Variants in ANKS1B observed in about 807,000 individuals in gnomAD.
ANKS1B encodes ankyrin repeat and sterile alpha motif domain-containing protein 1B.
A neutral mutation model predicts 148.3 loss-of-function variants in ANKS1B; 36 were observed. That is an observed-to-expected ratio of 0.24 (90% CI 0.19 to 0.32). The LOEUF (loss-of-function observed/expected upper bound fraction) is 0.32. Ranked by LOEUF, ANKS1B falls within the 10% of genes least tolerant of loss-of-function variation. The pLI is 1.00. For synonymous variants in ANKS1B, 542 were observed against 560.8 expected, an observed-to-expected ratio of 0.97 and a Z score of 0.47; for missense variants, 1,157 against 1,542.6, an observed-to-expected ratio of 0.75 and a Z score of 4.19.
In ANKS1B at chr12:99,894,285, AAGGAAGGGAGGGAGGG is replaced by A. The variant is rs1187334738; in HGVS notation, c.135-68912_135-68897del. ...AAGAAAGGAAAGAAAGGAAGGAAGG[AAGGAAGGGAGGGAGGG>A]AGGGAGGGAGGGAGGGAGGGAGGGA... On this transcript the variant is annotated intron_variant, in intron 1 of 26. Coordinates refer to ENST00000683438, the MANE Select transcript of ANKS1B (RefSeq NM_001352186.2). Among the ~76,000 whole-genome samples the A allele has an allele frequency of 1.4e-3, 78 of 56,860 alleles. 1 individual carries two copies. The highest frequency in any genetic ancestry group is 4.3e-3 in the African/African-American group (71 of 16,324). 37.3% of individuals were successfully genotyped at this position (56,860 alleles called of 152,430 possible).
chr12:99,248,391 T>C (rs1410754614), intron 12 of ANKS1B, among the ~76,000 whole-genome samples: 2 of 152,108 alleles, frequency 1.3e-5, no homozygotes, highest in East Asian at 3.9e-4. Flanking sequence ...ACCAGCATCC[T>C]GAGATTGAAG....
intron 1 of ANKS1B, among the ~76,000 whole-genome samples, chr12:99,901,465 A>G (rs942800172): frequency 2.6e-5 from 4 of 152,256 alleles, no homozygotes; most frequent in African/African-American, 9.6e-5. Flanking sequence ...CAGAAGAGGC[A>G]GCCTCTGTAG....
intron 14 of ANKS1B, among the ~76,000 whole-genome samples, chr12:99,224,234 T>C (rs1266322966): frequency 6.6e-6 from 1 of 152,192 alleles, no homozygotes; most frequent in Non-Finnish European, 1.5e-5. Flanking sequence ...AATTTAAAAG[T>C]AAAGAGCTTT....
chr12:99,376,995 A>C (rs1320473579), intron 12 of ANKS1B, among the ~76,000 whole-genome samples: 3 of 147,868 alleles, frequency 2.0e-5, no homozygotes, highest in Non-Finnish European at 4.5e-5. Context: ...ACACACACAC[A>C]CCCCACCCAC....
intron 4 of ANKS1B, among the ~76,000 whole-genome samples, chr12:99,803,157 T>C (rs2067163564): frequency 1.3e-5 from 2 of 152,062 alleles, no homozygotes; most frequent in African/African-American, 2.4e-5. Context: ...ACTAGCTACA[T>C]TGTTCACTCT....
At position 98,751,579 on chromosome 12, in the gene ANKS1B, G is replaced by A. The variant is rs77210491; in HGVS notation, c.3580-57C>T. On this transcript the variant is annotated intron_variant, in intron 25 of 26. Coordinates refer to ENST00000683438, the MANE Select transcript of ANKS1B (RefSeq NM_001352186.2). This position sits in a 1 kb window ranked among gnomAD's most constrained non-coding sequence, Gnocchi z 4.3. Reference sequence around the variant, plus strand: ...GGCACACTGCAAATTAGAATGGGTCGAATGGCTGAGGAACACTGAGGGAGG... The same window carrying A: ...GGCACACTGCAAATTAGAATGGGTCAAATGGCTGAGGAACACTGAGGGAGG... The A allele has an allele frequency of 0.015, 22,620 of 1,545,050 alleles. 219 individuals carry two copies. The highest frequency in any genetic ancestry group is 0.018 in the Non-Finnish European group (20,576 of 1,124,764).
intron 17 of ANKS1B, among the ~76,000 whole-genome samples, chr12:98,938,966 A>G (rs758189574): frequency 7.9e-5 from 12 of 152,264 alleles, no homozygotes; most frequent in Admixed American, 2.6e-4. Context: ...AACATACAGG[A>G]TAACAAAAAG....
chr12:99,160,425 G>A (rs958962291), intron 14 of ANKS1B, among the ~76,000 whole-genome samples: 12 of 150,666 alleles, frequency 8.0e-5, no homozygotes, highest in Admixed American at 2.6e-4. Context: ...TGCAATCTCC[G>A]CCTCCTGGGT....
At chr12:99,730,506 A>AATCAGAACCCCT (rs1340977326) in intron 8 of ANKS1B, among the ~76,000 whole-genome samples, 2 of 152,228 alleles carry the variant, frequency 1.3e-5, no homozygotes, top group Non-Finnish European at 2.9e-5. Context: ...AGGCAAGGAC[A>AATCAGAACCCCT]ATCAGAACCC....
chr12:98,884,690 T>A (rs2099734734), intron 17 of ANKS1B, among the ~76,000 whole-genome samples: 1 of 150,804 alleles, frequency 6.6e-6, no homozygotes, highest in African/African-American at 2.4e-5. Flanking sequence ...TCCCAGCTAC[T>A]CGGGAGGCTG....
chr12:98,934,603 T>G (rs560687993), intron 17 of ANKS1B, among the ~76,000 whole-genome samples: 160 of 152,216 alleles, frequency 1.1e-3, no homozygotes, highest in African/African-American at 3.5e-3. Flanking sequence ...CCATGAACAT[T>G]TGATATCTTT....
intron 22 of ANKS1B, among the ~76,000 whole-genome samples, chr12:98,788,922 G>T (rs548910721): frequency 6.6e-6 from 1 of 152,298 alleles, no homozygotes; most frequent in Non-Finnish European, 1.5e-5. Context: ...TACAGCTCTT[G>T]GTCTTGAGAG....
chr12:99,464,059 T>C (rs2096048798), intron 10 of ANKS1B, among the ~76,000 whole-genome samples: 3 of 152,132 alleles, frequency 2.0e-5, no homozygotes, highest in Non-Finnish European at 4.4e-5. Context: ...GGCAGACTGA[T>C]ACCTCACATG....
chr12:99,435,327 T>C (rs898904212), intron 11 of ANKS1B, among the ~76,000 whole-genome samples: 3 of 152,030 alleles, frequency 2.0e-5, no homozygotes, highest in South Asian at 4.1e-4. Flanking sequence ...AAGAATGAGA[T>C]GCTTGAAGGT....
At chr12:98,749,402 C>T (rs533238802) in intron 26 of ANKS1B, among the ~76,000 whole-genome samples, 18 of 152,194 alleles carry the variant, frequency 1.2e-4, no homozygotes, top group East Asian at 9.6e-4. Context: ...CCACCGTGCC[C>T]GGCCCAAAAC....
intron 17 of ANKS1B, among the ~76,000 whole-genome samples, chr12:99,022,926 T>C (rs147924795): frequency 7.7e-4 from 117 of 152,190 alleles, no homozygotes; most frequent in Middle Eastern, 3.2e-3. Flanking sequence ...AAAATTTTAC[T>C]GTAAATCTGT....
At chr12:99,352,544 T>C (rs1411940077) in intron 12 of ANKS1B, among the ~76,000 whole-genome samples, 2 of 152,070 alleles carry the variant, frequency 1.3e-5, no homozygotes, top group Non-Finnish European at 1.5e-5. Flanking sequence ...CTTTAATCAA[T>C]GTAATGAAAC....
At chr12:99,387,635 C>T (rs1469912744) in intron 12 of ANKS1B, among the ~76,000 whole-genome samples, 1 of 151,832 alleles carries the variant, frequency 6.6e-6, no homozygotes, top group Non-Finnish European at 1.5e-5. Flanking sequence ...CCCAAGGGAG[C>T]TCCTTTGCCC....
intron 9 of ANKS1B, among the ~76,000 whole-genome samples, chr12:99,637,899 T>C (rs1162293806): frequency 6.6e-6 from 1 of 151,238 alleles, no homozygotes; most frequent in Non-Finnish European, 1.5e-5. Context: ...ATCCTGTTAG[T>C]TCTGTCCCTC....
Sources: gnomAD v4.1 joint callset for allele counts (sites outside exome capture counted in the v4.1 genomes callset) on GRCh38, gnomAD v4.1.1 for gene constraint, Gnocchi (gnomAD v3.1) non-coding constraint, MANE v1.5 for transcripts, NCBI Gene and HGNC (gene_info 2026-07-23, HGNC 2026-07-21) for gene names.